The following NKAIN3 variants were observed in gnomAD, a reference collection of about 807,000 sequenced individuals.
NKAIN3 encodes sodium/potassium-transporting ATPase subunit beta-1-interacting protein 3.
NKAIN3 carries 25 observed loss-of-function variants against 30.2 expected under a neutral mutation model. The ratio of observed to expected loss-of-function variants is 0.83; its 90% CI spans 0.60 to 1.16. NKAIN3 has a LOEUF of 1.16. NKAIN3 is among the 50% of genes most tolerant of loss of function. The pLI, the probability that NKAIN3 is intolerant of heterozygous loss-of-function variation, is 0.00. For synonymous variants in NKAIN3, 91 were observed against 89.6 expected, an observed-to-expected ratio of 1.02 and a Z score of -0.09; for missense variants, 225 against 254.1, an observed-to-expected ratio of 0.89 and a Z score of 0.78.
chr8:62,715,011 G>C (rs377536501), intron 3 of NKAIN3, among the ~76,000 whole-genome samples: 22 of 152,152 alleles, frequency 1.4e-4, no homozygotes, highest in Admixed American at 7.2e-4. Flanking sequence ...AGATAGCATG[G>C]GTGGGGAGGC....
intron 1 of NKAIN3, among the ~76,000 whole-genome samples, chr8:62,556,432 TATTAATAAAATTG>T (rs1392463888): frequency 1.3e-5 from 2 of 151,622 alleles, no homozygotes; most frequent in Non-Finnish European, 3.0e-5. Flanking sequence ...GCCTAGAAAT[TATTAATAAAATTG>T]AAACTAGGAT....
chr8:62,916,118 T>C (rs993019715), intron 4 of NKAIN3, among the ~76,000 whole-genome samples: 14 of 152,080 alleles, frequency 9.2e-5, no homozygotes, highest in African/African-American at 3.4e-4. Context: ...CAAAAACCAA[T>C]AATGTGTAAA....
At chr8:62,387,561 GA>G (rs1363652937) in intron 1 of NKAIN3, among the ~76,000 whole-genome samples, 1 of 152,160 alleles carries the variant, frequency 6.6e-6, no homozygotes, top group Non-Finnish European at 1.5e-5. Flanking sequence ...ACATATGAAA[GA>G]ATAGATCATG....
At chr8:62,580,395 G>A (rs555217312) in intron 2 of NKAIN3, among the ~76,000 whole-genome samples, 19 of 152,126 alleles carry the variant, frequency 1.2e-4, no homozygotes, top group Non-Finnish European at 2.8e-4. Flanking sequence ...ATGTGAGAAG[G>A]TTGTGAGAAA....
chr8:62,702,543 G>A (rs1415930442), intron 3 of NKAIN3, among the ~76,000 whole-genome samples: 1 of 152,046 alleles, frequency 6.6e-6, no homozygotes, highest in Non-Finnish European at 1.5e-5. Context: ...AATAATTATT[G>A]TACTTGTATT....
intron 4 of NKAIN3, among the ~76,000 whole-genome samples, chr8:62,748,912 T>C (rs986713701): frequency 1.3e-5 from 2 of 152,206 alleles, no homozygotes; most frequent in African/African-American, 4.8e-5. Context: ...TCTGATCCTT[T>C]GTTAATGTAG....
chr8:62,753,700 C>G (rs1188984307), intron 4 of NKAIN3, among the ~76,000 whole-genome samples: 1 of 152,110 alleles, frequency 6.6e-6, no homozygotes, highest in African/African-American at 2.4e-5. Context: ...TTGGTAGAAG[C>G]AGTCTTTGTC....
intron 4 of NKAIN3, among the ~76,000 whole-genome samples, chr8:62,891,919 G>A (rs1821308103): frequency 6.6e-6 from 1 of 152,166 alleles, no homozygotes; most frequent in East Asian, 1.9e-4. Flanking sequence ...GACTAAAGTA[G>A]GGATGTCAGG....
chr8:62,578,630 G>T (rs1157638126), intron 1 of NKAIN3, among the ~76,000 whole-genome samples: 1 of 149,632 alleles, frequency 6.7e-6, no homozygotes, highest in African/African-American at 2.5e-5. Context: ...ACACAAGAAA[G>T]CAGGGATAGG....
At chr8:62,951,670 C>T (rs976697940) in intron 5 of NKAIN3, among the ~76,000 whole-genome samples, 1 of 152,126 alleles carries the variant, frequency 6.6e-6, no homozygotes, top group Non-Finnish European at 1.5e-5. Context: ...CCCATTGTTG[C>T]CCAGCTGGCC....
intron 5 of NKAIN3, among the ~76,000 whole-genome samples, chr8:62,994,655 AACATTC>A (rs1804061393): frequency 6.6e-6 from 1 of 152,196 alleles, no homozygotes; most frequent in South Asian, 2.1e-4. Context: ...TTTTAACTGG[AACATTC>A]CAGAGAAGGA....
At chr8:62,407,932 A>G (rs186593182) in intron 1 of NKAIN3, among the ~76,000 whole-genome samples, 193 of 152,240 alleles carry the variant, frequency 1.3e-3, no homozygotes, top group African/African-American at 4.5e-3. Flanking sequence ...AGGCTGAGAC[A>G]AGAGGATCAC....
In NKAIN3 at chr8:62,976,477, G is replaced by C. The variant is rs181049891; in HGVS notation, c.*11070G>C. On this transcript the variant is annotated 3_prime_UTR_variant, in exon 7 of 7. Transcript: ENST00000623646. The stretch of plus-strand genomic sequence containing the variant: ...CTGTTTTGATTTTTGTTGGCTTAAA[G>C]TCTGTTTTACCAGAGGCTAAGATTG... 7.4e-4 allele frequency among the ~76,000 whole-genome samples: 113 copies of C among 152,194 alleles called. 1 individual carries two copies. Among genetic ancestry groups the C allele is most frequent in the African/African-American group, 2.6e-3 (110 of 41,526 alleles).
At chr8:62,930,399 G>A (rs916027679) in intron 5 of NKAIN3, among the ~76,000 whole-genome samples, 6 of 152,004 alleles carry the variant, frequency 3.9e-5, no homozygotes, top group African/African-American at 9.6e-5. Flanking sequence ...GATTACAGGC[G>A]CCTGACACCA....
chr8:62,395,431 A>C (rs1048919655), intron 1 of NKAIN3, among the ~76,000 whole-genome samples: 6 of 152,170 alleles, frequency 3.9e-5, no homozygotes, highest in Non-Finnish European at 8.8e-5. Context: ...AGGCGGAGGC[A>C]CTCTATTTGG....
At chr8:62,678,814 T>C (rs1054279533) in intron 3 of NKAIN3, among the ~76,000 whole-genome samples, 3 of 152,130 alleles carry the variant, frequency 2.0e-5, no homozygotes, top group Non-Finnish European at 4.4e-5. Flanking sequence ...ATATAGATTG[T>C]TGAAAACATT....
intron 1 of NKAIN3, among the ~76,000 whole-genome samples, chr8:62,278,552 C>A (rs558439036): frequency 1.0e-4 from 15 of 148,658 alleles, no homozygotes; most frequent in Non-Finnish European, 1.6e-4. Context: ...TGACAGGCCC[C>A]GGTGTGTGAT....
intron 1 of NKAIN3, among the ~76,000 whole-genome samples, chr8:62,425,370 A>T (rs1201711857): frequency 6.6e-6 from 1 of 151,964 alleles, no homozygotes; most frequent in Non-Finnish European, 1.5e-5. Flanking sequence ...AATGTGAGCC[A>T]CATGCATTGG....
intron 3 of NKAIN3, among the ~76,000 whole-genome samples, chr8:62,676,602 C>T (rs1224156947): frequency 6.6e-6 from 1 of 151,794 alleles, no homozygotes; most frequent in Non-Finnish European, 1.5e-5. Flanking sequence ...TCTTATGGGT[C>T]AAATTAAATT....
Sources: gnomAD v4.1 joint callset for allele counts (sites outside exome capture counted in the v4.1 genomes callset) on GRCh38, gnomAD v4.1.1 for gene constraint, MANE v1.5 for transcripts, NCBI Gene and HGNC (gene_info 2026-07-23, HGNC 2026-07-21) for gene names.